The following VPS45 variants were observed in gnomAD, a reference collection of about 807,000 sequenced individuals.
VPS45 encodes vacuolar protein sorting-associated protein 45.
A neutral mutation model predicts 75.9 loss-of-function variants in VPS45; 35 were observed. The ratio of observed to expected loss-of-function variants is 0.46; its 90% CI spans 0.35 to 0.61. The LOEUF is 0.61. Ranked by LOEUF, VPS45 falls within the 20% of genes least tolerant of loss-of-function variation. VPS45 has a pLI of 0.00. For synonymous variants in VPS45, 220 were observed against 238.2 expected (o/e 0.92, Z 0.70); for missense variants, 559 against 685.9 (o/e 0.81, Z 2.07).
chr1:150,131,720 C>A (rs1658849609), intron 14 of VPS45, among the ~76,000 whole-genome samples: 1 of 150,346 alleles, frequency 6.7e-6, no homozygotes, highest in Admixed American at 6.7e-5. Context: ...ATGGCATGCA[C>A]CTGTAGTCCC....
At chr1:150,086,201 C>G (rs1432187998) in intron 10 of VPS45, among the ~76,000 whole-genome samples, 4 of 152,044 alleles carry the variant, frequency 2.6e-5, no homozygotes, top group African/African-American at 9.7e-5. Context: ...CCTTTGATGG[C>G]TTGGGTTTGA....
chr1:150,076,603 G>A (rs1655399001), intron 4 of VPS45: 1 of 488,742 alleles, frequency 2.0e-6, no homozygotes, highest in South Asian at 2.9e-5. Flanking sequence ...TATCTGAGTA[G>A]AACATTGTAT....
chr1:150,093,911 T>C (rs1419110578), intron 13 of VPS45, among the ~76,000 whole-genome samples: 4 of 152,258 alleles, frequency 2.6e-5, no homozygotes, highest in African/African-American at 7.2e-5. Context: ...AGTTTACTTA[T>C]GCCATTTAAG....
chr1:150,083,073 T>A (rs1477634759), intron 10 of VPS45, 190 bp downstream of exon 10: 2 of 552,330 alleles, frequency 3.6e-6, no homozygotes, highest in Non-Finnish European at 5.9e-6. Context: ...TAATGTGCAA[T>A]TCCCAAGGGT....
At chr1:150,067,419 A>T (rs1553796081), upstream of VPS45, 1 of 163,514 alleles carries the variant, frequency 6.1e-6, no homozygotes, top group African/African-American at 2.4e-5. Flanking sequence ...ACTGCCATGC[A>T]AGAAAGCGTT....
In VPS45 at chr1:150,109,593, G is replaced by A. The variant is rs889748875; in HGVS notation, c.1494-903G>A. 1.2e-4 allele frequency: 18 copies of A among 152,152 alleles called. No homozygotes were observed. In the East Asian group the frequency reaches 1.4e-3, roughly 11 times the overall value. The allele number at this position is 152,152 out of a possible 1,614,324, so 9.4% of individuals were successfully genotyped here. The stretch of plus-strand genomic sequence containing the variant: ...AGTTTTGTGCAATAACATTCAAAAC[G>A]GATGCTTCTGATTGATGTAGTTTTA... On this transcript the variant is annotated intron_variant, in intron 13 of 14. Transcript: ENST00000644510.
Position 150,120,937 on chromosome 1 carries a change from G to T in VPS45, c.1625+10310G>T, listed in dbSNP as rs1263258176. On this transcript the variant is annotated intron_variant, in intron 14 of 14. Transcript: ENST00000644510. ...GGCTGGAGTGCAGTGGCGCGATCTC[G>T]GCTCACTGCAAGCTTCGCCTCCTGG... Among the ~76,000 whole-genome samples, 8 of 148,122 alleles carry T rather than the reference G, an allele frequency of 5.4e-5. No homozygotes were observed. In the East Asian group the frequency reaches 1.2e-3, roughly 22 times the overall value.
intron 2 of VPS45, 93 bp from the exon 3 acceptor site, chr1:150,072,073 G>T (rs187770878): frequency 9.7e-7 from 1 of 1,035,728 alleles, no homozygotes; most frequent in Admixed American, 2.0e-5. Context: ...TGCAGTAGAC[G>T]CAGTAAATAA....
At chr1:150,134,136 A>T (rs1658961392) in intron 14 of VPS45, among the ~76,000 whole-genome samples, 1 of 152,238 alleles carries the variant, frequency 6.6e-6, no homozygotes, top group East Asian at 1.9e-4. Flanking sequence ...AGTTAGAATC[A>T]AGGAAATATC....
Position 150,145,275 on chromosome 1 carries a change from G to A in VPS45, c.*479G>A, listed in dbSNP as rs150234068. On this transcript the variant is annotated 3_prime_UTR_variant, in exon 15 of 15. Coordinates refer to ENST00000644510, the MANE Select transcript of VPS45 (RefSeq NM_007259.5). ...TTTTGTCCCTACATAGCAATTTTCT[G>A]TGGCACTGAGAAACCATGTATGACC... The A allele has an allele frequency of 5.0e-3, 883 of 176,676 alleles. 7 individuals carry two copies. Among genetic ancestry groups the A allele is most frequent in the Middle Eastern group, 0.022 (9 of 416 alleles). The allele number at this position is 176,676 out of a possible 1,614,324, so 10.9% of individuals were successfully genotyped here.
intron 13 of VPS45, 21 bp from the exon 14 acceptor site, chr1:150,110,475 T>A: frequency 6.3e-7 from 1 of 1,598,536 alleles, no homozygotes; most frequent in African/African-American, 1.3e-5. Flanking sequence ...TGTGATAATA[T>A]CTCATTCTTC....
At position 150,067,821 on chromosome 1, in the gene VPS45, G is replaced by C. The variant is rs782317387; in HGVS notation, c.-37G>C. 1 of 1,602,220 alleles carries C rather than the reference G, an allele frequency of 6.2e-7. No individual in the cohort carries two copies. The highest frequency in any genetic ancestry group is 1.1e-5 in the South Asian group (1 of 90,710). ...GGGGTTAATTTAGCCAGAAAAGGGG[G>C]CGGGAAGGGCTGTAGGGTACTTGTC... is the stretch of plus-strand genomic sequence containing the variant. On this transcript the variant is annotated 5_prime_UTR_variant, in exon 1 of 15. Coordinates refer to ENST00000644510, the MANE Select transcript of VPS45 (RefSeq NM_007259.5).
chr1:150,113,968 A>G (rs201820283), intron 14 of VPS45, among the ~76,000 whole-genome samples: 4 of 152,166 alleles, frequency 2.6e-5, no homozygotes, highest in East Asian at 1.9e-4. Flanking sequence ...CACAAATAAT[A>G]TAAGAATATT....
Position 150,072,433 on chromosome 1 carries a change from C to T in VPS45, c.289+207C>T, listed in dbSNP as rs146392771. On this transcript the variant is annotated intron_variant, in intron 3 of 14. Coordinates refer to ENST00000644510, the MANE Select transcript of VPS45 (RefSeq NM_007259.5). ...ATCCCAGCACTTTGGGAGGCCAAGG[C>T]GGGCGGATCATCTGAGGAGTTTGAG... 0.027 allele frequency among the ~76,000 whole-genome samples: 4,116 copies of T among 152,110 alleles called. 167 individuals carry two copies. Among genetic ancestry groups the T allele is most frequent in the African/African-American group, 0.093 (3,863 of 41,486 alleles).
chr1:150,091,396 C>T (rs904402590), intron 10 of VPS45, among the ~76,000 whole-genome samples: 2 of 152,132 alleles, frequency 1.3e-5, no homozygotes, highest in Admixed American at 6.5e-5. Flanking sequence ...CCTATCGGTA[C>T]CTGCCTCTTA....
At chr1:150,138,030 T>C (rs1165992473) in intron 14 of VPS45, among the ~76,000 whole-genome samples, 1 of 152,174 alleles carries the variant, frequency 6.6e-6, no homozygotes, top group African/African-American at 2.4e-5. Flanking sequence ...GTGTTCTCTT[T>C]CATGGGAAAA....
In VPS45 at chr1:150,123,180, T is replaced by C. The variant is rs375906139; in HGVS notation, c.1625+12553T>C. Among the ~76,000 whole-genome samples the C allele has an allele frequency of 7.2e-5, 11 of 152,332 alleles. No individual in the cohort carries two copies. In the East Asian group the frequency reaches 1.2e-3, roughly 16 times the overall value. ...ATAATGTTTTCAAGACTCCTCCATG[T>C]GTAACATACATCAGTACTTTATTCC... On this transcript the variant is annotated intron_variant, in intron 14 of 14. Coordinates refer to ENST00000644510, the MANE Select transcript of VPS45 (RefSeq NM_007259.5).
intron 3 of VPS45, among the ~76,000 whole-genome samples, chr1:150,075,076 G>A (rs1175014468): frequency 1.4e-5 from 2 of 139,004 alleles, no homozygotes; most frequent in African/African-American, 6.0e-5. Flanking sequence ...TGTTGCCCAG[G>A]CTGGTCTTGA....
At chr1:150,087,062 T>C (rs1656058296) in intron 10 of VPS45, among the ~76,000 whole-genome samples, 1 of 152,182 alleles carries the variant, frequency 6.6e-6, no homozygotes, top group South Asian at 2.1e-4. Context: ...TGATTTCTTC[T>C]TGCTGTGCTG....
Sources: allele counts gnomAD v4.1 joint callset (sites outside exome capture counted in the v4.1 genomes callset), GRCh38; gene constraint gnomAD v4.1.1; transcripts MANE v1.5; gene names NCBI Gene and HGNC (gene_info 2026-07-23, HGNC 2026-07-21).